Variants in ANKRD30B observed in about 807,000 individuals in gnomAD.
ANKRD30B encodes ankyrin repeat domain 30B, also known as ankyrin repeat domain-containing protein 30B.
ANKRD30B carries 144 observed loss-of-function variants against 202.2 expected under a neutral mutation model. The observed-to-expected ratio is 0.71, with a 90% CI of 0.62 to 0.82. The LOEUF (loss-of-function observed/expected upper bound fraction) is 0.82, where lower values mean the gene tolerates loss of function less well. Among genes scored for constraint, ANKRD30B ranks in the 40% least tolerant of loss-of-function variants. The pLI is 0.00. For missense variants in ANKRD30B, 1,487 were observed against 1,669.1 expected, an observed-to-expected ratio of 0.89 and a Z score of 1.90; for synonymous variants, 508 against 561.3, an observed-to-expected ratio of 0.91 and a Z score of 1.34.
intron 33 of ANKRD30B, among the ~76,000 whole-genome samples, chr18:14,829,239 A>G (rs1970799314): frequency 6.6e-6 from 1 of 152,174 alleles, no homozygotes; most frequent in Admixed American, 6.6e-5. Flanking sequence ...ATACTTTCAT[A>G]TTTTAAACTC....
At chr18:14,832,263 G>C (rs1970985117) in intron 34 of ANKRD30B, among the ~76,000 whole-genome samples, 1 of 152,080 alleles carries the variant, frequency 6.6e-6, no homozygotes, top group Non-Finnish European at 1.5e-5. Flanking sequence ...TATTATTAAG[G>C]CATGTGAGGA....
At chr18:14,854,997 C>T (rs1972040073), downstream of ANKRD30B, among the ~76,000 whole-genome samples, 1 of 152,060 alleles carries the variant, frequency 6.6e-6, no homozygotes, top group Admixed American at 6.5e-5. Context: ...GAGAGAAGGT[C>T]AGCAGATAAA....
At chr18:14,882,229 T>A in the ANKRD30B span, among the ~76,000 whole-genome samples, 1 of 152,228 alleles carries the variant, frequency 6.6e-6, no homozygotes, top group South Asian at 2.1e-4. Context: ...TCTTTCAGAC[T>A]TTTTGACATC....
At chr18:14,798,421 G>C (rs543222979) in intron 20 of ANKRD30B, among the ~76,000 whole-genome samples, 53 of 152,124 alleles carry the variant, frequency 3.5e-4, no homozygotes, top group African/African-American at 1.2e-3. Flanking sequence ...CCTTAAAAAA[G>C]AAACACAGTC....
chr18:14,874,025 G>C, the ANKRD30B span, among the ~76,000 whole-genome samples: 1 of 152,190 alleles, frequency 6.6e-6, no homozygotes, highest in Non-Finnish European at 1.5e-5. Context: ...TTCCATTCTA[G>C]CTGTGCCACT....
intron 31 of ANKRD30B, 34 bp downstream of exon 31, chr18:14,822,545 A>T (rs767290820): frequency 7.2e-5 from 76 of 1,049,212 alleles, no homozygotes; most frequent in East Asian, 1.5e-4. Context: ...TTGAATATTA[A>T]CTACTTATTT....
At chr18:14,938,532 C>T in the ANKRD30B span, among the ~76,000 whole-genome samples, 2 of 152,134 alleles carry the variant, frequency 1.3e-5, no homozygotes, top group African/African-American at 4.8e-5. Flanking sequence ...ACTTTCATTC[C>T]GGAAGGGTCT....
chr18:14,908,667 T>C, the ANKRD30B span, among the ~76,000 whole-genome samples: 1 of 152,192 alleles, frequency 6.6e-6, no homozygotes. Context: ...TCTGTGTCTT[T>C]AGCTCCCGTG....
At chr18:14,893,232 A>T in the ANKRD30B span, among the ~76,000 whole-genome samples, 4 of 152,220 alleles carry the variant, frequency 2.6e-5, no homozygotes, top group African/African-American at 9.6e-5. Flanking sequence ...AAGCTCAAGA[A>T]TAAAGCAATT....
chr18:14,915,476 A>C, the ANKRD30B span: 1 of 152,238 alleles, frequency 6.6e-6, no homozygotes, highest in Non-Finnish European at 1.5e-5. Context: ...CTTATCTTTT[A>C]ACATGAGCCT....
Position 14,753,322 on chromosome 18 carries a change from T to C in ANKRD30B, c.510+310T>C, listed in dbSNP as rs185430349. ...AAACTACAGGAAAGCAAAATTTGCC[T>C]GTGTAAATTGAGTCAACATGTAAAA... is the stretch of plus-strand genomic sequence containing the variant. On this transcript the variant is annotated intron_variant, in intron 3 of 43. Coordinates refer to ENST00000690538, the MANE Select transcript of ANKRD30B (RefSeq NM_001367607.2). Among the ~76,000 whole-genome samples the C allele has an allele frequency of 2.2e-3, 333 of 152,304 alleles. 1 individual carries two copies. The highest frequency in any genetic ancestry group is 3.9e-3 in the Non-Finnish European group (264 of 68,020).
At chr18:14,843,553 C>G (rs971090558) in intron 39 of ANKRD30B, among the ~76,000 whole-genome samples, 7 of 145,376 alleles carry the variant, frequency 4.8e-5, no homozygotes, top group South Asian at 2.3e-4. Flanking sequence ...AGCTTACTTT[C>G]TGTGTGTGTG....
At chr18:14,794,851 A>G (rs894696132) in intron 16 of ANKRD30B, among the ~76,000 whole-genome samples, 2 of 152,206 alleles carry the variant, frequency 1.3e-5, no homozygotes, top group African/African-American at 4.8e-5. Flanking sequence ...GTCTAAATAT[A>G]TTAAAGTGTG....
chr18:14,805,882 C>A (rs1360818126), intron 24 of ANKRD30B, among the ~76,000 whole-genome samples: 5 of 149,536 alleles, frequency 3.3e-5, no homozygotes, highest in Non-Finnish European at 7.4e-5. Flanking sequence ...CATTCTACAG[C>A]AACTTTTTAT....
chr18:14,874,310 T>C, the ANKRD30B span, among the ~76,000 whole-genome samples: 1 of 152,176 alleles, frequency 6.6e-6, no homozygotes, highest in Non-Finnish European at 1.5e-5. Context: ...CGTTAATTAT[T>C]ATTATTATTT....
At chr18:14,892,758 A>G in the ANKRD30B span, among the ~76,000 whole-genome samples, 6 of 144,106 alleles carry the variant, frequency 4.2e-5, no homozygotes, top group Admixed American at 7.1e-5. Context: ...AAAAAAAAAA[A>G]AAAAAAAAAA....
chr18:14,882,181 G>A, the ANKRD30B span, among the ~76,000 whole-genome samples: 3 of 152,100 alleles, frequency 2.0e-5, no homozygotes, highest in East Asian at 1.9e-4. Context: ...CTGCTTCTCT[G>A]GTTCCCTGAG....
the ANKRD30B span, among the ~76,000 whole-genome samples, chr18:14,880,850 G>T: frequency 6.6e-6 from 1 of 152,082 alleles, no homozygotes; most frequent in Non-Finnish European, 1.5e-5. Context: ...TGCAGCTATT[G>T]TAAAAGGGAT....
At chr18:14,751,807 T>C (rs73960685) in intron 1 of ANKRD30B, among the ~76,000 whole-genome samples, 3,496 of 152,294 alleles carry the variant, frequency 0.023, 137 homozygotes, top group African/African-American at 0.078. Flanking sequence ...AAAGCTAAAA[T>C]TTCTTTCAGT....
Sources: allele counts gnomAD v4.1 joint callset (sites outside exome capture counted in the v4.1 genomes callset), GRCh38; gene constraint gnomAD v4.1.1; transcripts MANE v1.5; gene names NCBI Gene and HGNC (gene_info 2026-07-23, HGNC 2026-07-21).